PIK3CB: variants seen among roughly 807,000 people sequenced by gnomAD.
PIK3CB encodes the protein phosphatidylinositol 4,5-bisphosphate 3-kinase catalytic subunit beta isoform.
Under a neutral mutation model 136.8 loss-of-function variants are expected in PIK3CB, and 39 were observed. That is an observed-to-expected ratio of 0.29 (90% CI 0.22 to 0.37). The LOEUF is 0.37. Ranked by LOEUF, PIK3CB falls within the 10% of genes least tolerant of loss-of-function variation. PIK3CB has a pLI of 1.00. For synonymous variants in PIK3CB, 428 were observed against 436.6 expected, an observed-to-expected ratio of 0.98 and a Z score of 0.25; for missense variants, 868 against 1,275.4, an observed-to-expected ratio of 0.68 and a Z score of 4.87.
At chr3:138,775,830 T>C (rs1205823494) in intron 2 of PIK3CB, among the ~76,000 whole-genome samples, 1 of 152,202 alleles carries the variant, frequency 6.6e-6, no homozygotes, top group Non-Finnish European at 1.5e-5. Flanking sequence ...GTATTTAAGT[T>C]ATAACATCAC....
rs2043730059 is a variant in PIK3CB at position 138,679,908 on chromosome 3, A to G, written c.2504+2059T>C. ...TGCACCCAGCCAAGAGTTCATTTTAAAAAATGAGAACAGAATAAACACAAA... is the reference window on the plus strand; with the variant it reads ...TGCACCCAGCCAAGAGTTCATTTTAGAAAATGAGAACAGAATAAACACAAA... On this transcript the variant is annotated intron_variant, in intron 19 of 23. Coordinates refer to ENST00000674063, the MANE Select transcript of PIK3CB (RefSeq NM_006219.3). Among the ~76,000 whole-genome samples, 4 of 149,928 alleles carry G rather than the reference A, an allele frequency of 2.7e-5. No individual in the cohort carries two copies. The South Asian group carries it at 8.4e-4, about 32-fold the overall frequency.
At chr3:138,663,563 G>A (rs540676861) in intron 21 of PIK3CB, among the ~76,000 whole-genome samples, 23 of 152,102 alleles carry the variant, frequency 1.5e-4, no homozygotes, top group African/African-American at 5.5e-4. Flanking sequence ...TATATTTTTA[G>A]TAGAGACGGG....
intron 19 of PIK3CB, among the ~76,000 whole-genome samples, chr3:138,676,795 C>T (rs1238642225): frequency 6.6e-6 from 1 of 152,030 alleles, no homozygotes; most frequent in Non-Finnish European, 1.5e-5. Context: ...AAAAAAGGTA[C>T]ATCTATAGAC....
At chr3:138,831,275 TAAAA>T (rs1657892171) in intron 1 of PIK3CB, among the ~76,000 whole-genome samples, 1 of 147,862 alleles carries the variant, frequency 6.8e-6, no homozygotes, top group African/African-American at 2.5e-5. Flanking sequence ...TAAAATAAAA[TAAAA>T]TAAAATTAAA....
intron 2 of PIK3CB, among the ~76,000 whole-genome samples, chr3:138,786,837 T>C (rs112214214): frequency 2.0e-4 from 30 of 152,314 alleles, no homozygotes; most frequent in African/African-American, 6.7e-4. Flanking sequence ...TCCTCTATCA[T>C]GTGGCAGTCA....
At chr3:138,758,164 C>A (rs1205555836) in intron 3 of PIK3CB, among the ~76,000 whole-genome samples, 1 of 152,148 alleles carries the variant, frequency 6.6e-6, no homozygotes, top group African/African-American at 2.4e-5. Flanking sequence ...AAAAGGATAG[C>A]TATTTATTGT....
intron 13 of PIK3CB, among the ~76,000 whole-genome samples, chr3:138,695,931 AT>A (rs34470924): frequency 0.15 from 13,666 of 90,770 alleles, 675 homozygotes; most frequent in Middle Eastern, 0.2. Flanking sequence ...AATTTTTTGT[AT>A]TTTTTTTTTT....
chr3:138,782,637 A>G lies in PIK3CB; in HGVS notation c.-17+13826T>C, dbSNP rs77668294. Among the ~76,000 whole-genome samples the G allele has an allele frequency of 8.8e-3, 1,347 of 152,312 alleles. 27 individuals are homozygous for G. Among genetic ancestry groups the G allele is most frequent in the African/African-American group, 0.029 (1,220 of 41,570 alleles). ...CATGTACTAAGTTCTTTCCAGTGGA[A>G]TGTTCAGTGGAAATGACCTGTGTCA... On this transcript the variant is annotated intron_variant, in intron 2 of 23. Transcript: ENST00000674063.
At chr3:138,787,107 C>T (rs1049141060) in intron 2 of PIK3CB, among the ~76,000 whole-genome samples, 1 of 152,074 alleles carries the variant, frequency 6.6e-6, no homozygotes, top group African/African-American at 2.4e-5. Flanking sequence ...AAAAGAACCC[C>T]GAGGCAAAGA....
At chr3:138,740,640 G>A (rs753023734) in intron 5 of PIK3CB, among the ~76,000 whole-genome samples, 10 of 151,946 alleles carry the variant, frequency 6.6e-5, no homozygotes, top group Non-Finnish European at 1.3e-4. Context: ...CACTTTCAAT[G>A]ACTTCATGAA....
intron 2 of PIK3CB, among the ~76,000 whole-genome samples, chr3:138,766,531 T>C (rs2045734799): frequency 6.6e-6 from 1 of 152,206 alleles, no homozygotes. Context: ...ACTTTAACAG[T>C]TGCCCATGCT....
chr3:138,704,168 C>T (rs1454906951), intron 12 of PIK3CB, among the ~76,000 whole-genome samples: 1 of 152,200 alleles, frequency 6.6e-6, no homozygotes, highest in Non-Finnish European at 1.5e-5. Context: ...TTCACTATGA[C>T]AGCATTGTTA....
intron 5 of PIK3CB, among the ~76,000 whole-genome samples, chr3:138,740,353 G>A (rs192753138): frequency 6.6e-5 from 10 of 152,118 alleles, no homozygotes; most frequent in Admixed American, 2.0e-4. Flanking sequence ...GTGAAACTCC[G>A]TCTCAAAACA....
At chr3:138,814,765 G>A (rs1197591681) in intron 1 of PIK3CB, among the ~76,000 whole-genome samples, 4 of 152,012 alleles carry the variant, frequency 2.6e-5, no homozygotes, top group African/African-American at 9.7e-5. Flanking sequence ...ATTTTGGGAG[G>A]CCAAGGTGGG....
chr3:138,733,494 T>C (rs1336811879), intron 7 of PIK3CB, 56 bp from the exon 8 acceptor site: 2 of 856,906 alleles, frequency 2.3e-6, no homozygotes, highest in Non-Finnish European at 3.8e-6. Context: ...GAATATTCTA[T>C]GCTAGCAATG....
chr3:138,806,443 C>T (rs1045649393), intron 1 of PIK3CB, among the ~76,000 whole-genome samples: 3 of 151,996 alleles, frequency 2.0e-5, no homozygotes, highest in Non-Finnish European at 4.4e-5. Flanking sequence ...TGAGATCCCA[C>T]CACCGCATTC....
chr3:138,827,148 C>T (rs1464281732), intron 1 of PIK3CB, among the ~76,000 whole-genome samples: 2 of 152,132 alleles, frequency 1.3e-5, no homozygotes, highest in East Asian at 1.9e-4. Flanking sequence ...CTACCACATC[C>T]TAAAACCAGT....
At chr3:138,734,284 A>G (rs2045053998) in intron 7 of PIK3CB, among the ~76,000 whole-genome samples, 1 of 152,176 alleles carries the variant, frequency 6.6e-6, no homozygotes, top group Admixed American at 6.5e-5. Context: ...TAGAAATGAA[A>G]TATACTGGTT....
At chr3:138,772,075 A>AGAG (rs1177994687) in intron 2 of PIK3CB, among the ~76,000 whole-genome samples, 4 of 152,218 alleles carry the variant, frequency 2.6e-5, no homozygotes, top group Admixed American at 2.6e-4. Flanking sequence ...AAAAAATAAC[A>AGAG]GACCCACCTG....
Sources: allele counts gnomAD v4.1 joint callset (sites outside exome capture counted in the v4.1 genomes callset), GRCh38; gene constraint gnomAD v4.1.1; transcripts MANE v1.5; gene names NCBI Gene and HGNC (gene_info 2026-07-23, HGNC 2026-07-21).